UNC13C: variants seen among roughly 807,000 people sequenced by gnomAD.
UNC13C encodes protein unc-13 homolog C.
UNC13C carries 174 observed loss-of-function variants against 245.4 expected under a neutral mutation model. The ratio of observed to expected loss-of-function variants is 0.71; its 90% CI spans 0.63 to 0.80. The LOEUF (loss-of-function observed/expected upper bound fraction) is 0.80. Among genes scored for constraint, UNC13C ranks in the 30% least tolerant of loss-of-function variants. The probability of loss-of-function intolerance (pLI) is 0.00; values close to 1 mark genes in which losing one functional copy is unlikely to be tolerated. For missense variants in UNC13C, 2,829 were observed against 2,602.9 expected, an observed-to-expected ratio of 1.09 and a Z score of -1.89; for synonymous variants, 992 against 895.1, an observed-to-expected ratio of 1.11 and a Z score of -1.93.
intron 19 of UNC13C, among the ~76,000 whole-genome samples, chr15:54,477,514 A>C (rs1284517784): frequency 9.0e-6 from 1 of 110,668 alleles, no homozygotes; most frequent in Non-Finnish European, 2.0e-5. Flanking sequence ...AGTTTTTAGC[A>C]TGAAGCGTTG....
At chr15:54,473,935 C>G (rs1892593525) in intron 19 of UNC13C, among the ~76,000 whole-genome samples, 1 of 151,840 alleles carries the variant, frequency 6.6e-6, no homozygotes, top group South Asian at 2.1e-4. Context: ...CTCTCTACAT[C>G]TGTGTGTACA....
intron 4 of UNC13C, among the ~76,000 whole-genome samples, chr15:54,182,803 T>C (rs546361391): frequency 2.0e-5 from 3 of 152,024 alleles, no homozygotes; most frequent in East Asian, 3.9e-4. Flanking sequence ...TTAGGAAAGA[T>C]AGAAAAGTAC....
At chr15:54,045,084 T>C (rs1164235892) in intron 2 of UNC13C, among the ~76,000 whole-genome samples, 1 of 152,142 alleles carries the variant, frequency 6.6e-6, no homozygotes, top group South Asian at 2.1e-4. Flanking sequence ...TTTGATGGAG[T>C]GTAAATTATC....
chr15:54,167,043 C>A (rs1481142921), intron 4 of UNC13C, among the ~76,000 whole-genome samples: 1 of 151,940 alleles, frequency 6.6e-6, no homozygotes, highest in African/African-American at 2.4e-5. Context: ...GAAAGATGAA[C>A]AAAGTTTGAG....
At chr15:54,484,914 T>G (rs888455902) in intron 19 of UNC13C, among the ~76,000 whole-genome samples, 31 of 152,178 alleles carry the variant, frequency 2.0e-4, no homozygotes, top group African/African-American at 6.5e-4. Flanking sequence ...AAACTATAAG[T>G]AATGATTTTG....
chr15:54,322,159 T>G, intron 14 of UNC13C, 64 bp downstream of exon 14: 2 of 1,418,544 alleles, frequency 1.4e-6, no homozygotes, highest in South Asian at 1.5e-5. Context: ...TTCAAGAGAC[T>G]TTGAACTTAA....
the UNC13C span, among the ~76,000 whole-genome samples, chr15:53,929,864 A>G: frequency 1.3e-5 from 2 of 152,234 alleles, no homozygotes; most frequent in African/African-American, 2.4e-5. Context: ...TCCTATGAGA[A>G]TAATATCAAA....
intron 26 of UNC13C, among the ~76,000 whole-genome samples, chr15:54,540,344 C>A (rs921232906): frequency 1.3e-5 from 2 of 151,830 alleles, no homozygotes; most frequent in Admixed American, 6.6e-5. Flanking sequence ...CATGAAAATG[C>A]GATTAATTAT....
intron 2 of UNC13C, among the ~76,000 whole-genome samples, chr15:54,069,744 C>T (rs540804958): frequency 6.6e-6 from 1 of 152,272 alleles, no homozygotes; most frequent in Non-Finnish European, 1.5e-5. Flanking sequence ...CGTTAGATAA[C>T]GCCTTGAACT....
intron 1 of UNC13C, among the ~76,000 whole-genome samples, chr15:53,983,158 C>A (rs995409026): frequency 6.6e-6 from 1 of 152,060 alleles, no homozygotes; most frequent in Non-Finnish European, 1.5e-5. Context: ...ACTGCTACTT[C>A]GTTAACAAGA....
intron 2 of UNC13C, among the ~76,000 whole-genome samples, chr15:54,101,281 A>C (rs1900148792): frequency 6.6e-6 from 1 of 152,000 alleles, no homozygotes; most frequent in Non-Finnish European, 1.5e-5. Context: ...TTCTTGATTC[A>C]CAGGCTATTA....
chr15:54,063,010 A>C (rs1251206391), intron 2 of UNC13C, among the ~76,000 whole-genome samples: 1 of 152,328 alleles, frequency 6.6e-6, no homozygotes, highest in Middle Eastern at 3.4e-3. Flanking sequence ...AGTTCCCGTT[A>C]GGGATAGGCC....
At chr15:54,368,093 C>T (rs1448166627) in intron 17 of UNC13C, among the ~76,000 whole-genome samples, 1 of 152,010 alleles carries the variant, frequency 6.6e-6, no homozygotes, top group African/African-American at 2.4e-5. Context: ...CACTCAAGGA[C>T]ACCCCATGTG....
chr15:54,492,187 C>G (rs1356923989), intron 19 of UNC13C, among the ~76,000 whole-genome samples: 3 of 152,034 alleles, frequency 2.0e-5, no homozygotes, highest in Non-Finnish European at 2.9e-5. Context: ...ATAGTTTATA[C>G]AAAGGTTCAA....
chr15:53,894,025 T>C, the UNC13C span, among the ~76,000 whole-genome samples: 3 of 152,162 alleles, frequency 2.0e-5, no homozygotes, highest in African/African-American at 7.2e-5. Flanking sequence ...ATGGGAAAAG[T>C]GCAGTATCTG....
At chr15:53,917,414 A>G in the UNC13C span, among the ~76,000 whole-genome samples, 17 of 152,342 alleles carry the variant, frequency 1.1e-4, no homozygotes, top group Admixed American at 1.3e-4. Context: ...AGGAAAAAAG[A>G]AAGTTGAGTT....
At chr15:54,310,241 G>A (rs1037119273) in intron 13 of UNC13C, among the ~76,000 whole-genome samples, 3 of 151,798 alleles carry the variant, frequency 2.0e-5, no homozygotes, top group Admixed American at 1.3e-4. Context: ...GCTGTTAAAA[G>A]TAAATGATTT....
chr15:54,403,776 GTTAAAA>G (rs2040237654), intron 18 of UNC13C, among the ~76,000 whole-genome samples: 1 of 142,720 alleles, frequency 7.0e-6, no homozygotes, highest in Non-Finnish European at 1.5e-5. Context: ...TGTTTTTCAT[GTTAAAA>G]TTAAGTATAT....
At chr15:54,233,384 T>A (rs1262510439) in intron 4 of UNC13C, among the ~76,000 whole-genome samples, 1 of 152,176 alleles carries the variant, frequency 6.6e-6, no homozygotes, top group Non-Finnish European at 1.5e-5. Context: ...AAGGGGGACA[T>A]TTAGTTGAAG....
Sources: allele counts gnomAD v4.1 joint callset (sites outside exome capture counted in the v4.1 genomes callset), GRCh38; gene constraint gnomAD v4.1.1; transcripts MANE v1.5; gene names NCBI Gene and HGNC (gene_info 2026-07-23, HGNC 2026-07-21).